SLC35A4: variants seen among roughly 807,000 people sequenced by gnomAD.
SLC35A4 encodes probable UDP-sugar transporter protein SLC35A4.
A neutral mutation model predicts 18.8 loss-of-function variants in SLC35A4; 9 were observed. That is an observed-to-expected ratio of 0.48 (90% CI 0.29 to 0.83). SLC35A4 has a LOEUF of 0.83. Ranked by LOEUF, SLC35A4 falls within the 40% of genes least tolerant of loss-of-function variation. The pLI, the probability that SLC35A4 is intolerant of heterozygous loss-of-function variation, is 0.09. For missense variants in SLC35A4, 404 were observed against 415.5 expected, an observed-to-expected ratio of 0.97 and a Z score of 0.24; for synonymous variants, 189 against 191.9, an observed-to-expected ratio of 0.98 and a Z score of 0.13.
Position 140,567,573 on chromosome 5 carries a change from G to A in SLC35A4, c.404G>A (p.Arg135Gln), listed in dbSNP as rs61748966. Residue 135 changes from arginine to glutamine, a missense_variant, in exon 3 of 3, where the codon CGG (arginine) becomes CAG (glutamine). Arg to Gln is a conservative substitution (Grantham distance 43, BLOSUM62 1). Coordinates refer to ENST00000323146, the MANE Select transcript of SLC35A4 (RefSeq NM_080670.4). ...STAVLYCLCL[R>Q]HRLSVRQGLA... ...GCTGTGCTCTACTGCCTCTGCCTCC[G>A]GCACCGCCTCTCTGTGCGTCAGGGG... The A allele has an allele frequency of 1.2e-4, 196 of 1,614,170 alleles. No homozygotes were observed. In the African/African-American group the frequency reaches 1.3e-3, roughly 11 times the overall value.
Position 140,567,938 on chromosome 5 carries a change from G to T in SLC35A4, c.769G>T (p.Val257Leu). Residue 257 changes from valine to leucine, a missense_variant, in exon 3 of 3, where the codon GTG becomes TTG. Physicochemically the swap from Val to Leu is conservative, Grantham distance 32. Coordinates refer to ENST00000323146, the MANE Select transcript of SLC35A4 (RefSeq NM_080670.4). ...TTTCTCAGGATGGGCAGCACTCGTG[G>T]TGCTGAGCCAGGCACTAAATGGACT... The part of the protein sequence containing the change: ...EGFSGWAALV[V>L]LSQALNGLLM... 6.2e-7 allele frequency: 1 copy of T among 1,614,184 alleles called. No homozygotes were observed. The highest frequency in any genetic ancestry group is 8.5e-7 in the Non-Finnish European group (1 of 1,180,034).
Position 140,567,057 on chromosome 5 carries a change from C to G in SLC35A4, c.-113C>G. On this transcript the variant is annotated 5_prime_UTR_variant, in exon 3 of 3. Coordinates refer to ENST00000323146, the MANE Select transcript of SLC35A4 (RefSeq NM_080670.4). ...AGATGCCTCTGATCCTCAGTATTCT[C>G]TCTGGCAATGTTCCACGGCTTCTCC... 6.5e-7 allele frequency: 1 copy of G among 1,533,058 alleles called. No homozygotes were observed. Among genetic ancestry groups the G allele is most frequent in the Non-Finnish European group, 9.0e-7 (1 of 1,116,830 alleles). The allele number at this position is 1,533,058 out of a possible 1,614,324, so 95.0% of individuals were successfully genotyped here.
rs1306986655 is a variant in SLC35A4 at position 140,568,927 on chromosome 5, C to T, written c.*783C>T. 6.0e-6 allele frequency: 1 copy of T among 167,234 alleles called. No individual in the cohort carries two copies. The highest frequency in any genetic ancestry group is 1.5e-5 in the Non-Finnish European group (1 of 68,210). 10.4% of individuals were successfully genotyped at this position (167,234 alleles called of 1,614,324 possible). On this transcript the variant is annotated 3_prime_UTR_variant, in exon 3 of 3. Coordinates refer to ENST00000323146, the MANE Select transcript of SLC35A4 (RefSeq NM_080670.4). ...GGTACCATGCTTCCCACTCTGGGGCCTGCCCCTGCCTAGCAGTCTCCCAGC... is the reference window on the plus strand; with the variant it reads ...GGTACCATGCTTCCCACTCTGGGGCTTGCCCCTGCCTAGCAGTCTCCCAGC...
chr5:140,567,083 T>G lies in SLC35A4; in HGVS notation c.-87T>G. ...TCTGGCAATGTTCCACGGCTTCTCC[T>G]TCCTGGGAGCTGGCTCCATAACTTG... is the stretch of plus-strand genomic sequence containing the variant. On this transcript the variant is annotated 5_prime_UTR_variant, in exon 3 of 3. Transcript: ENST00000323146. The G allele has an allele frequency of 6.3e-7, 1 of 1,598,970 alleles. No homozygotes were observed. The highest frequency in any genetic ancestry group is 1.3e-5 in the African/African-American group (1 of 74,828).
chr5:140,567,246 C>G lies in SLC35A4; in HGVS notation c.77C>G (p.Ser26Cys). Residue 26 changes from serine to cysteine, a missense_variant, in exon 3 of 3, where the codon TCC (serine) becomes TGC (cysteine). Coordinates refer to ENST00000323146, the MANE Select transcript of SLC35A4 (RefSeq NM_080670.4). ...QARWTLMLLLSTAMYGAHAPL... is the reference protein window; with the variant it reads ...QARWTLMLLLCTAMYGAHAPL... Reference sequence around the variant, plus strand: ...CGCTGGACCCTGATGCTACTCCTATCCACTGCCATGTACGGTGCCCATGCC... The same window carrying G: ...CGCTGGACCCTGATGCTACTCCTATGCACTGCCATGTACGGTGCCCATGCC... 6.2e-7 allele frequency: 1 copy of G among 1,614,206 alleles called. No homozygotes were observed.
At position 140,567,447 on chromosome 5, in the gene SLC35A4, C is replaced by T. The variant is rs762006969; in HGVS notation, c.278C>T (p.Ala93Val). 1 of 1,614,158 alleles carries T rather than the reference C, an allele frequency of 6.2e-7. No homozygotes were observed. Among genetic ancestry groups the T allele is most frequent in the Non-Finnish European group, 8.5e-7 (1 of 1,180,038 alleles). Reference sequence around the variant, plus strand: ...CAGGCTGCTCCCTTCGCACTATCAGCCCTGCTCTATGGCGCTAACAACAAC... The same window carrying T: ...CAGGCTGCTCCCTTCGCACTATCAGTCCTGCTCTATGGCGCTAACAACAAC... ...WRQAAPFALS[A>V]LLYGANNNLV... The change falls in exon 3 of 3, where the codon GCC (alanine) becomes GTC (valine). Residue 93 changes from alanine (A) to valine (V), a missense_variant. Transcript: ENST00000323146.
chr5:140,566,451 G>A (rs1016748378), intron 2 of SLC35A4, 114 bp from the exon 3 acceptor site: 6 of 399,016 alleles, frequency 1.5e-5, no homozygotes, highest in East Asian at 3.6e-5. Flanking sequence ...AAAATACCAC[G>A]GTTGTCCAGG....
chr5:140,568,202 C>A lies in SLC35A4; in HGVS notation c.*58C>A, dbSNP rs772233745. 2 of 1,611,962 alleles carry A rather than the reference C, an allele frequency of 1.2e-6. No homozygotes were observed. The highest frequency in any genetic ancestry group is 3.3e-5 in the Admixed American group (2 of 59,922). On this transcript the variant is annotated 3_prime_UTR_variant, in exon 3 of 3. Transcript: ENST00000323146. Reference sequence around the variant, plus strand: ...TGTAGATTGGGCGCCACCACCAGATCCCCCTCCCAGGCCTTCCTCCCTCTC... The same window carrying A: ...TGTAGATTGGGCGCCACCACCAGATACCCCTCCCAGGCCTTCCTCCCTCTC...
Position 140,567,003 on chromosome 5 carries a change from A to T in SLC35A4, c.-167A>T. 9.4e-7 allele frequency: 1 copy of T among 1,060,070 alleles called. No individual in the cohort carries two copies. The highest frequency in any genetic ancestry group is 1.4e-6 in the Non-Finnish European group (1 of 707,074). 65.7% of individuals were successfully genotyped at this position (1,060,070 alleles called of 1,614,324 possible). On this transcript the variant is annotated 5_prime_UTR_variant, in exon 3 of 3. Coordinates refer to ENST00000323146, the MANE Select transcript of SLC35A4 (RefSeq NM_080670.4). Reference sequence around the variant, plus strand: ...TGGCTTCAAGGACCACCAGCCCCTTACTCTTCAAGCCCTGACTGTGGAGTT... The same window carrying T: ...TGGCTTCAAGGACCACCAGCCCCTTTCTCTTCAAGCCCTGACTGTGGAGTT...
chr5:140,567,827 C>A lies in SLC35A4; in HGVS notation c.658C>A (p.Gln220Lys). ...MKRQRLPLAL[Q>K]NLFLYTFGVL... ...GCGACAGCGGCTGCCCCTGGCACTT[C>A]AGAACCTCTTCCTCTACACTTTTGG... Residue 220 changes from glutamine (Q) to lysine (K), a missense_variant, in exon 3 of 3, where the codon CAG becomes AAG. Gln to Lys is a moderately conservative substitution (Grantham distance 53, BLOSUM62 1). Transcript: ENST00000323146. 6.2e-7 allele frequency: 1 copy of A among 1,614,136 alleles called. No homozygotes were observed. Among genetic ancestry groups the A allele is most frequent in the Non-Finnish European group, 8.5e-7 (1 of 1,180,030 alleles).
rs750109586 is a variant in SLC35A4, at chr5:140,567,483, A to G, written c.314A>G (p.Tyr105Cys). 4.3e-6 allele frequency: 7 copies of G among 1,614,132 alleles called. No individual in the cohort carries two copies. Among genetic ancestry groups the G allele is most frequent in the South Asian group, 1.1e-5 (1 of 91,090 alleles). The change falls in exon 3 of 3, where the codon TAT becomes TGT. Residue 105 changes from tyrosine to cysteine, a missense_variant. By Grantham distance (194) the Tyr-to-Cys change is radical. Coordinates refer to ENST00000323146, the MANE Select transcript of SLC35A4 (RefSeq NM_080670.4). ...LYGANNNLVI[Y>C]LQRYMDPSTY... is the part of the protein sequence containing the mutation. ...GGCGCTAACAACAACCTGGTGATCT[A>G]TCTTCAGCGTTACATGGACCCCAGC... is the stretch of plus-strand genomic sequence containing the variant.
chr5:140,568,231 TCAG>T lies in SLC35A4; in HGVS notation c.*92_*94del, dbSNP rs1278399224. 6.3e-7 allele frequency: 1 copy of T among 1,597,358 alleles called. No homozygotes were observed. Among genetic ancestry groups the T allele is most frequent in the South Asian group, 1.1e-5 (1 of 89,066 alleles). ...CTCCCAGGCCTTCCTCCCTCTCCCATCAGCAGCCCTGTAACAAGTGCCTTGTGA... is the reference window on the plus strand; with the variant it reads ...CTCCCAGGCCTTCCTCCCTCTCCCATCAGCCCTGTAACAAGTGCCTTGTGA... On this transcript the variant is annotated 3_prime_UTR_variant, in exon 3 of 3. Coordinates refer to ENST00000323146, the MANE Select transcript of SLC35A4 (RefSeq NM_080670.4).
Position 140,568,696 on chromosome 5 carries a change from A to G in SLC35A4, c.*552A>G. 1 of 176,700 alleles carries G rather than the reference A, an allele frequency of 5.7e-6. No individual in the cohort carries two copies. 10.9% of individuals were successfully genotyped at this position (176,700 alleles called of 1,614,324 possible). A position where few individuals can be genotyped will look rare whatever the true frequency, so the allele number is the denominator to read the frequency against. ...CACTCTGACAGTCTCCTCCAGTTCC[A>G]GCAATGCCTAGAGACATGCTCCCTG... On this transcript the variant is annotated 3_prime_UTR_variant, in exon 3 of 3. Transcript: ENST00000323146.
rs1581410161 is a variant in SLC35A4 at position 140,565,947 on chromosome 5, C to T, written c.-630C>T. 1.0e-5 allele frequency: 4 copies of T among 398,788 alleles called. No homozygotes were observed. The highest frequency in any genetic ancestry group is 3.6e-5 in the East Asian group (1 of 28,064). The allele number at this position is 398,788 out of a possible 1,614,324, so 24.7% of individuals were successfully genotyped here. A position where few individuals can be genotyped will look rare whatever the true frequency, so the allele number is the denominator to read the frequency against. ...AAAGCCTGCAGCGGCGTGTAGAAGA[C>T]GAAGTCAACAGTGGAGTGGGCCAGG... On this transcript the variant is annotated 5_prime_UTR_variant, in exon 2 of 3. In the 5' UTR this introduces an upstream ATG that the reference lacks. Transcript: ENST00000323146.
rs923635356 is a variant in SLC35A4 at position 140,566,709 on chromosome 5, G to C, written c.-461G>C. The C allele has an allele frequency of 5.2e-6, 3 of 577,538 alleles. No homozygotes were observed. The African/African-American group carries it at 5.6e-5, about 11-fold the overall frequency. The allele number at this position is 577,538 out of a possible 1,614,324, so 35.8% of individuals were successfully genotyped here. On this transcript the variant is annotated 5_prime_UTR_variant, in exon 3 of 3. Coordinates refer to ENST00000323146, the MANE Select transcript of SLC35A4 (RefSeq NM_080670.4). ...GGCTCAGGCATATGCTGTGCCCAAC[G>C]TGGAGAAGACATTAAGGGACTATTT...
In SLC35A4 at chr5:140,565,879, C is replaced by G. The variant is rs1755174759; in HGVS notation, c.-698C>G. 2.5e-6 allele frequency: 1 copy of G among 398,866 alleles called. No homozygotes were observed. Among genetic ancestry groups the G allele is most frequent in the South Asian group, 1.3e-4 (1 of 7,862 alleles). The allele number at this position is 398,866 out of a possible 1,614,324, so 24.7% of individuals were successfully genotyped here. ...AGCCTCTCGCTTGTCCTAGGATTCT[C>G]TGCCTAAGCTTAAGGACCTGGCATT... On this transcript the variant is annotated 5_prime_UTR_variant, in exon 2 of 3. Coordinates refer to ENST00000323146, the MANE Select transcript of SLC35A4 (RefSeq NM_080670.4).
rs1755147362 is a variant in SLC35A4, at chr5:140,564,859, GT to G, written c.-705+2del. ...GGCGGGGAAGATGGCGGATGACAAG[GT>G]GAGTGGCCGTGGGGGTGATCTGCAG... On this transcript the variant is annotated splice_donor_variant, in intron 1 of 2. Coordinates refer to ENST00000323146, the MANE Select transcript of SLC35A4 (RefSeq NM_080670.4). LOFTEE classifies it low-confidence loss of function (5UTR_SPLICE). This position sits in a 1 kb window ranked among gnomAD's most constrained non-coding sequence, Gnocchi z 5.0. 2.5e-6 allele frequency: 1 copy of G among 405,252 alleles called. No individual in the cohort carries two copies. Among genetic ancestry groups the G allele is most frequent in the South Asian group, 1.1e-4 (1 of 9,194 alleles). The allele number at this position is 405,252 out of a possible 1,614,324, so 25.1% of individuals were successfully genotyped here. A position where few individuals can be genotyped will look rare whatever the true frequency, so the allele number is the denominator to read the frequency against.
intron 1 of SLC35A4, 194 bp downstream of exon 1, chr5:140,565,052 G>A (rs1025396677): frequency 3.5e-5 from 14 of 397,644 alleles, no homozygotes; most frequent in African/African-American, 2.5e-4. Flanking sequence ...AGGAGCCGTG[G>A]ATCCCCCAGA....
intron 2 of SLC35A4, among the ~76,000 whole-genome samples, chr5:140,566,188 G>C (rs1443933359): frequency 6.6e-6 from 1 of 152,196 alleles, no homozygotes; most frequent in Non-Finnish European, 1.5e-5. Flanking sequence ...AGGCAGAACA[G>C]CATATGTAAA....
Sources: gnomAD v4.1 joint callset for allele counts (sites outside exome capture counted in the v4.1 genomes callset) on GRCh38, gnomAD v4.1.1 for gene constraint, Gnocchi (gnomAD v3.1) non-coding constraint, MANE v1.5 for transcripts, NCBI Gene and HGNC (gene_info 2026-07-23, HGNC 2026-07-21) for gene names.